The following TMC1 variants were observed in gnomAD, a reference collection of about 807,000 sequenced individuals.
TMC1 encodes the protein transmembrane channel like 1, also known as transmembrane channel-like protein 1.
TMC1 carries 84 observed loss-of-function variants against 105.8 expected under a neutral mutation model. The observed-to-expected ratio is 0.79, with a 90% CI of 0.67 to 0.95. TMC1 has a LOEUF of 0.95. Among genes scored for constraint, TMC1 ranks in the 40% least tolerant of loss-of-function variants. The pLI, the probability that TMC1 is intolerant of heterozygous loss-of-function variation, is 0.00. For synonymous variants in TMC1, 315 were observed against 311.5 expected (o/e 1.01, Z -0.12); for missense variants, 817 against 914.1 (o/e 0.89, Z 1.37).
intron 1 of TMC1, among the ~76,000 whole-genome samples, chr9:72,546,285 T>G (rs1823767073): frequency 6.6e-6 from 1 of 152,020 alleles, no homozygotes; most frequent in Admixed American, 6.6e-5. Flanking sequence ...AGAGGGAGAC[T>G]CCTCAAAAAA....
chr9:72,589,907 G>A (rs1359531660), intron 2 of TMC1, among the ~76,000 whole-genome samples: 3 of 152,208 alleles, frequency 2.0e-5, no homozygotes, highest in Admixed American at 2.0e-4. Context: ...AGGAAGGGAA[G>A]CTGGTGCAAG....
intron 8 of TMC1, among the ~76,000 whole-genome samples, chr9:72,723,574 G>A (rs1233240999): frequency 1.3e-5 from 2 of 152,196 alleles, no homozygotes; most frequent in Admixed American, 1.3e-4. Flanking sequence ...GTATTGTTAT[G>A]AGTGCTTAGC....
At chr9:72,825,666 A>G (rs1291371607) in intron 20 of TMC1, among the ~76,000 whole-genome samples, 1 of 152,138 alleles carries the variant, frequency 6.6e-6, no homozygotes, top group Non-Finnish European at 1.5e-5. Context: ...CTTTTTTGGT[A>G]CTTTTAATTT....
rs75951645 is a variant in TMC1, at chr9:72,650,605, A to G, written c.16+1941A>G. ...CATATTATTTCACACCCAGGTACCT[A>G]TGTCCAGAACCCAATAGTTTAGTTT... On this transcript the variant is annotated intron_variant, in intron 5 of 23. Coordinates refer to ENST00000297784, the MANE Select transcript of TMC1 (RefSeq NM_138691.3). 4.6e-3 allele frequency among the ~76,000 whole-genome samples: 697 copies of G among 151,890 alleles called. 2 individuals carry two copies. Among genetic ancestry groups the G allele is most frequent in the African/African-American group, 0.016 (659 of 41,408 alleles).
intron 5 of TMC1, among the ~76,000 whole-genome samples, chr9:72,673,628 A>G (rs892743308): frequency 1.3e-5 from 2 of 152,174 alleles, no homozygotes; most frequent in African/African-American, 4.8e-5. Flanking sequence ...GAACAATAAG[A>G]TAATATGATA....
intron 8 of TMC1, among the ~76,000 whole-genome samples, chr9:72,701,307 C>T (rs943285650): frequency 9.9e-5 from 15 of 152,278 alleles, no homozygotes; most frequent in South Asian, 6.2e-4. Context: ...TGGACGCGAA[C>T]GCAGTCAGAG....
chr9:72,576,368 C>T (rs965904876), intron 1 of TMC1, among the ~76,000 whole-genome samples: 4 of 151,750 alleles, frequency 2.6e-5, no homozygotes, highest in African/African-American at 9.7e-5. Flanking sequence ...TGTCTCTCTC[C>T]TCCTCTCTCT....
intron 2 of TMC1, among the ~76,000 whole-genome samples, chr9:72,615,615 A>G (rs1217901574): frequency 6.6e-6 from 1 of 152,160 alleles, no homozygotes; most frequent in Non-Finnish European, 1.5e-5. Context: ...TGGTGATTCC[A>G]TAGTAATGTA....
chr9:72,789,679 G>A (rs555827859), intron 15 of TMC1, among the ~76,000 whole-genome samples: 15 of 152,300 alleles, frequency 9.8e-5, no homozygotes, highest in African/African-American at 2.6e-4. Context: ...TCTTGACTTC[G>A]AGTCCAAGGC....
At chr9:72,770,041 T>C (rs1331588313) in intron 12 of TMC1, among the ~76,000 whole-genome samples, 1 of 152,058 alleles carries the variant, frequency 6.6e-6, no homozygotes, top group African/African-American at 2.4e-5. Flanking sequence ...AACAAGAAGA[T>C]GTCATGCACC....
At chr9:72,787,534 G>C (rs540320131) in intron 13 of TMC1, among the ~76,000 whole-genome samples, 1 of 151,874 alleles carries the variant, frequency 6.6e-6, no homozygotes, top group Admixed American at 6.6e-5. Flanking sequence ...TTTTAATTTT[G>C]CTATTTATAG....
intron 8 of TMC1, among the ~76,000 whole-genome samples, chr9:72,716,091 C>G (rs1325741427): frequency 6.6e-6 from 1 of 152,238 alleles, no homozygotes. Context: ...CCGGCAGAGG[C>G]TGCAGAACAG....
intron 1 of TMC1, among the ~76,000 whole-genome samples, chr9:72,555,457 G>A (rs1823914433): frequency 6.6e-6 from 1 of 152,112 alleles, no homozygotes; most frequent in Non-Finnish European, 1.5e-5. Flanking sequence ...AAAGTGCTGG[G>A]ATTACAGGCG....
At chr9:72,730,205 G>T (rs1216669006) in intron 8 of TMC1, among the ~76,000 whole-genome samples, 1 of 152,206 alleles carries the variant, frequency 6.6e-6, no homozygotes, top group South Asian at 2.1e-4. Context: ...GGTAGAGAAG[G>T]TTAGAGTAAT....
chr9:72,640,080 C>T (rs559415977), intron 4 of TMC1, among the ~76,000 whole-genome samples: 1 of 152,116 alleles, frequency 6.6e-6, no homozygotes, highest in South Asian at 2.1e-4. Flanking sequence ...ACACAGTGCC[C>T]AGCACAGAAA....
chr9:72,576,227 T>C (rs1208967462), intron 1 of TMC1, among the ~76,000 whole-genome samples: 1 of 152,196 alleles, frequency 6.6e-6, no homozygotes. Context: ...TGGTGACATT[T>C]AACAACTGTA....
intron 5 of TMC1, among the ~76,000 whole-genome samples, chr9:72,685,130 G>T (rs1331086091): frequency 8.5e-6 from 1 of 117,066 alleles, no homozygotes; most frequent in Non-Finnish European, 1.6e-5. Flanking sequence ...TTTTTGAGAC[G>T]GAGTCTTGCT....
intron 2 of TMC1, among the ~76,000 whole-genome samples, chr9:72,583,634 A>T (rs1824506721): frequency 1.3e-5 from 2 of 152,246 alleles, no homozygotes; most frequent in African/African-American, 4.8e-5. Context: ...CTTTTTCTGG[A>T]CAGTGAGAAC....
At chr9:72,798,956 T>C (rs1477488865) in intron 17 of TMC1, among the ~76,000 whole-genome samples, 1 of 152,146 alleles carries the variant, frequency 6.6e-6, no homozygotes, top group African/African-American at 2.4e-5. Context: ...TTATTTGTTT[T>C]CATGATGATT....
Sources: allele counts gnomAD v4.1 joint callset (sites outside exome capture counted in the v4.1 genomes callset), GRCh38; gene constraint gnomAD v4.1.1; transcripts MANE v1.5; gene names NCBI Gene and HGNC (gene_info 2026-07-23, HGNC 2026-07-21).